Variants in SH3PXD2B observed in about 807,000 individuals in gnomAD.
SH3PXD2B encodes the protein SH3 and PX domains 2B.
A neutral mutation model predicts 73.1 loss-of-function variants in SH3PXD2B; 37 were observed. The observed-to-expected ratio is 0.51, with a 90% CI of 0.39 to 0.67. The LOEUF (loss-of-function observed/expected upper bound fraction) is 0.67, where lower values mean the gene tolerates loss of function less well. Ranked by LOEUF, SH3PXD2B falls within the 30% of genes least tolerant of loss-of-function variation. The pLI, the probability that SH3PXD2B is intolerant of heterozygous loss-of-function variation, is 0.00. For synonymous variants in SH3PXD2B, 457 were observed against 480.5 expected (o/e 0.95, Z 0.64); for missense variants, 1,053 against 1,197.8 (o/e 0.88, Z 1.78).
chr5:172,409,399 CA>C (rs1758638143), intron 2 of SH3PXD2B, among the ~76,000 whole-genome samples: 1 of 151,980 alleles, frequency 6.6e-6, no homozygotes, highest in Non-Finnish European at 1.5e-5. Context: ...AAAACAAAAC[CA>C]AAAACACTCA....
At chr5:172,396,198 CAAAAAAAAAAAAA>C (rs571850981) in intron 3 of SH3PXD2B, among the ~76,000 whole-genome samples, 5 of 78,408 alleles carry the variant, frequency 6.4e-5, no homozygotes, top group African/African-American at 1.6e-4. Flanking sequence ...ACTAAAAATA[CAAAAAAAAAAAAA>C]AAAAAAAAAA....
chr5:172,380,858 T>C (rs1318686886), intron 5 of SH3PXD2B, among the ~76,000 whole-genome samples: 8 of 152,198 alleles, frequency 5.3e-5, no homozygotes, highest in Admixed American at 3.9e-4. Flanking sequence ...ATGGTGCATA[T>C]TGGGATATAT....
chr5:172,449,208 G>A (rs1759740958), intron 1 of SH3PXD2B, among the ~76,000 whole-genome samples: 1 of 152,174 alleles, frequency 6.6e-6, no homozygotes, highest in South Asian at 2.1e-4. Context: ...GCGGTGGCTT[G>A]CACTTCTTCA....
downstream of SH3PXD2B, among the ~76,000 whole-genome samples, chr5:172,328,995 G>GTATACACACA (rs1453682509): frequency 6.9e-6 from 1 of 144,966 alleles, no homozygotes; most frequent in Non-Finnish European, 1.5e-5. Flanking sequence ...ATGTTAACAT[G>GTATACACACA]TATAGATACA....
At chr5:172,343,646 CA>C (rs962297793) in intron 12 of SH3PXD2B, among the ~76,000 whole-genome samples, 1 of 150,672 alleles carries the variant, frequency 6.6e-6, no homozygotes. Flanking sequence ...ACTAAAAATA[CA>C]AAAAAAAATT....
At chr5:172,382,306 A>G (rs972113846) in intron 4 of SH3PXD2B, among the ~76,000 whole-genome samples, 179 bp from the exon 5 acceptor site, 2 of 152,196 alleles carry the variant, frequency 1.3e-5, no homozygotes, top group Non-Finnish European at 2.9e-5. Context: ...ACAGAGCGAG[A>G]CTGTCTCAAA....
At position 172,353,806 on chromosome 5, in the gene SH3PXD2B, G is replaced by A; in HGVS notation, c.785+82C>T. ...GATGCAATCACTTACCGACCTCTGT[G>A]AGGCCAGAGTCCCTGTGACCCCAAA... On this transcript the variant is annotated intron_variant, in intron 9 of 12. Transcript: ENST00000311601. The surrounding 1 kb of genome is among the most constrained non-coding windows in gnomAD (Gnocchi z 4.3). The A allele has an allele frequency of 1.9e-6, 2 of 1,061,118 alleles. No homozygotes were observed. Among genetic ancestry groups the A allele is most frequent in the Non-Finnish European group, 3.0e-6 (2 of 677,366 alleles). The allele number at this position is 1,061,118 out of a possible 1,614,324, so 65.7% of individuals were successfully genotyped here.
At position 172,364,851 on chromosome 5, in the gene SH3PXD2B, G is replaced by A. The variant is rs551143409; in HGVS notation, c.428-1982C>T. On this transcript the variant is annotated intron_variant, in intron 6 of 12. Coordinates refer to ENST00000311601, the MANE Select transcript of SH3PXD2B (RefSeq NM_001017995.3). The stretch of plus-strand genomic sequence containing the variant: ...ATTTACACCACAGAAATTGGCAAAT[G>A]CTACAAAGCAGGGCTTCTCCACTGG... 3.9e-5 allele frequency among the ~76,000 whole-genome samples: 6 copies of A among 152,052 alleles called. No individual in the cohort carries two copies. In the South Asian group the frequency reaches 1.2e-3, roughly 32 times the overall value.
downstream of SH3PXD2B, among the ~76,000 whole-genome samples, chr5:172,331,930 G>A (rs1302775770): frequency 6.6e-6 from 1 of 152,180 alleles, no homozygotes; most frequent in Non-Finnish European, 1.5e-5. Flanking sequence ...TGGGTGACAA[G>A]AGTGAAACTC....
At position 172,382,580 on chromosome 5, in the gene SH3PXD2B, C is replaced by CACACAA. The variant is rs1757974556; in HGVS notation, c.310-454_310-453insTTGTGT. Reference sequence around the variant, plus strand: ...CAACACACACACACACACACACACACAATGTATGATATACACGCATATATT... The same window carrying CACACAA: ...CAACACACACACACACACACACACACACACAAAATGTATGATATACACGCATATATT... On this transcript the variant is annotated intron_variant, in intron 4 of 12. Transcript: ENST00000311601. Among the ~76,000 whole-genome samples the CACACAA allele has an allele frequency of 2.0e-5, 3 of 151,836 alleles. No homozygotes were observed. The South Asian group carries it at 6.3e-4, about 32-fold the overall frequency.
intron 8 of SH3PXD2B, among the ~76,000 whole-genome samples, chr5:172,357,538 G>A (rs568353465): frequency 4.6e-5 from 7 of 152,156 alleles, no homozygotes; most frequent in Middle Eastern, 3.4e-3. Context: ...CAAGTCTCCC[G>A]ACCTCTCAGA....
intron 2 of SH3PXD2B, among the ~76,000 whole-genome samples, chr5:172,416,687 T>A (rs1758829748): frequency 9.4e-6 from 1 of 106,850 alleles, no homozygotes; most frequent in African/African-American, 4.5e-5. Flanking sequence ...AGTCTCTCTC[T>A]CTCTCTCTCT....
downstream of SH3PXD2B, among the ~76,000 whole-genome samples, chr5:172,330,585 A>T (rs137858227): frequency 6.9e-3 from 1,048 of 152,356 alleles, 10 homozygotes; most frequent in African/African-American, 0.024. Context: ...GAAGTCCTGC[A>T]ATAGACTTTA....
rs140235646 is a variant in SH3PXD2B, at chr5:172,337,230, C to G, written c.*1139G>C. 2 of 985,604 alleles carry G rather than the reference C, an allele frequency of 2.0e-6. No individual in the cohort carries two copies. The highest frequency in any genetic ancestry group is 1.1e-4 in the East Asian group (1 of 8,824). The allele number at this position is 985,604 out of a possible 1,614,324, so 61.1% of individuals were successfully genotyped here. A position where few individuals can be genotyped will look rare whatever the true frequency, so the allele number is the denominator to read the frequency against. On this transcript the variant is annotated 3_prime_UTR_variant, in exon 13 of 13. Transcript: ENST00000311601. ...GGGATGGTGGGTGTGGGAGCAGCCA[C>G]GAATGCCCCCTCACCCCCCTCACAA...
chr5:172,357,937 G>A lies in SH3PXD2B; in HGVS notation c.667+836C>T, dbSNP rs115693852. On this transcript the variant is annotated intron_variant, in intron 8 of 12. Coordinates refer to ENST00000311601, the MANE Select transcript of SH3PXD2B (RefSeq NM_001017995.3). The stretch of plus-strand genomic sequence containing the variant: ...AAAAGCCAAACAAACTCAACTCTAG[G>A]TCAGGTATTGCTGATACAATAATAA... Among the ~76,000 whole-genome samples the A allele has an allele frequency of 3.2e-3, 486 of 152,248 alleles. 3 individuals are homozygous for A. Among genetic ancestry groups the A allele is most frequent in the African/African-American group, 9.2e-3 (384 of 41,538 alleles).
chr5:172,341,364 G>C (rs916433407), intron 12 of SH3PXD2B, among the ~76,000 whole-genome samples: 4 of 152,188 alleles, frequency 2.6e-5, no homozygotes, highest in Admixed American at 1.3e-4. Flanking sequence ...GGAGGTGTTT[G>C]GGTCACGGGG....
At chr5:172,401,935 A>C (rs1384852388) in intron 3 of SH3PXD2B, among the ~76,000 whole-genome samples, 1 of 152,226 alleles carries the variant, frequency 6.6e-6, no homozygotes, top group East Asian at 1.9e-4. Context: ...AAATTGTTTA[A>C]ACAACATGAA....
Position 172,333,584 on chromosome 5 carries a change from C to A in SH3PXD2B, c.*4785G>T. 7.9e-7 allele frequency: 1 copy of A among 1,259,288 alleles called. No individual in the cohort carries two copies. The highest frequency in any genetic ancestry group is 5.7e-5 in the East Asian group (1 of 17,634). 78.0% of individuals were successfully genotyped at this position (1,259,288 alleles called of 1,614,324 possible). ...GAAGTCAAATGGTAAAGTATATAGC[C>A]TACACATGCTACAGCTAGTTGTTCT... On this transcript the variant is annotated 3_prime_UTR_variant, in exon 13 of 13. Transcript: ENST00000311601.
intron 1 of SH3PXD2B, among the ~76,000 whole-genome samples, chr5:172,449,418 G>T (rs2113521541): frequency 6.6e-6 from 1 of 152,322 alleles, no homozygotes; most frequent in Non-Finnish European, 1.5e-5. Flanking sequence ...TCCTTGCTGT[G>T]TGACCTCAGG....
Sources: gnomAD v4.1 joint callset for allele counts (sites outside exome capture counted in the v4.1 genomes callset) on GRCh38, gnomAD v4.1.1 for gene constraint, Gnocchi (gnomAD v3.1) non-coding constraint, MANE v1.5 for transcripts, NCBI Gene and HGNC (gene_info 2026-07-23, HGNC 2026-07-21) for gene names.